The following RBFOX1 variants were observed in gnomAD, a reference collection of about 807,000 sequenced individuals.
The protein encoded by RBFOX1 is RNA binding protein fox-1 homolog 1.
A neutral mutation model predicts 57.7 loss-of-function variants in RBFOX1; 8 were observed. That is an observed-to-expected ratio of 0.14 (90% confidence interval 0.08 to 0.25). The LOEUF (loss-of-function observed/expected upper bound fraction) is 0.25, where lower values mean the gene tolerates loss of function less well. RBFOX1 is among the 10% of genes least tolerant of loss of function. The pLI is 1.00. For missense variants in RBFOX1, 611 were observed against 548.5 expected (o/e 1.11, Z -1.14); for synonymous variants, 326 against 222.4 (o/e 1.47, Z -4.15).
At chr16:5,765,516 C>G (rs902135853) in intron 3 of RBFOX1, among the ~76,000 whole-genome samples, 2 of 152,200 alleles carry the variant, frequency 1.3e-5, no homozygotes, top group African/African-American at 2.4e-5. Flanking sequence ...AGGGCAAGGA[C>G]TTTGTCTAAT....
chr16:7,405,400 C>T (rs200549191), intron 4 of RBFOX1, among the ~76,000 whole-genome samples: 5 of 152,158 alleles, frequency 3.3e-5, no homozygotes, highest in Admixed American at 6.5e-5. Context: ...TTCCCTGTTC[C>T]ACCAGGTGTT....
At chr16:6,165,836 G>T (rs992263894) in intron 1 of RBFOX1, among the ~76,000 whole-genome samples, 3 of 152,342 alleles carry the variant, frequency 2.0e-5, no homozygotes, top group Non-Finnish European at 1.5e-5. Flanking sequence ...GAAGGTAAAT[G>T]AGATTTTTAA....
At chr16:6,667,440 C>T (rs999917813) in intron 3 of RBFOX1, among the ~76,000 whole-genome samples, 1 of 152,096 alleles carries the variant, frequency 6.6e-6, no homozygotes, top group Non-Finnish European at 1.5e-5. Flanking sequence ...AGCTTAGTGG[C>T]TTCCTGGTTA....
chr16:7,109,743 C>A lies in RBFOX1; in HGVS notation c.27+57645C>A, dbSNP rs1430290247. On this transcript the variant is annotated intron_variant, in intron 4 of 15. Transcript: ENST00000550418. ...AAAAGAAGAGGGGTCATTCCAGATC[C>A]AAAAAATCGAGATGACTCCTTTGAG... 2.0e-5 allele frequency among the ~76,000 whole-genome samples: 3 copies of A among 151,954 alleles called. No homozygotes were observed. In the East Asian group the frequency reaches 5.8e-4, roughly 29 times the overall value.
chr16:6,493,963 C>T (rs1452155009), intron 2 of RBFOX1, among the ~76,000 whole-genome samples: 2 of 152,248 alleles, frequency 1.3e-5, no homozygotes, highest in African/African-American at 2.4e-5. Context: ...GTGATATTTT[C>T]CTGTATACCA....
chr16:6,832,851 C>T (rs935811682), intron 3 of RBFOX1, among the ~76,000 whole-genome samples: 35 of 152,186 alleles, frequency 2.3e-4, no homozygotes, highest in African/African-American at 8.0e-4. Flanking sequence ...ATCCCAACTA[C>T]GTATCAAAGC....
intron 2 of RBFOX1, among the ~76,000 whole-genome samples, chr16:6,541,938 A>G (rs1037180501): frequency 4.0e-5 from 6 of 150,136 alleles, no homozygotes; most frequent in Admixed American, 4.0e-4. Flanking sequence ...ATTGATTTAC[A>G]TCTCCCCCTT....
chr16:6,682,783 T>C (rs186821143), intron 3 of RBFOX1, among the ~76,000 whole-genome samples: 18 of 150,656 alleles, frequency 1.2e-4, no homozygotes, highest in Admixed American at 1.1e-3. Flanking sequence ...CAGGGTGAAA[T>C]TTTCACAGTT....
At chr16:6,531,130 A>G (rs909127096) in intron 2 of RBFOX1, among the ~76,000 whole-genome samples, 16 of 152,194 alleles carry the variant, frequency 1.1e-4, no homozygotes, top group African/African-American at 3.9e-4. Flanking sequence ...TACCATGCCC[A>G]GTAGTAGGAT....
At chr16:6,246,130 T>G (rs144515952) in intron 1 of RBFOX1, among the ~76,000 whole-genome samples, 1 of 152,166 alleles carries the variant, frequency 6.6e-6, no homozygotes, top group African/African-American at 2.4e-5. Flanking sequence ...GTAGGATGTA[T>G]TGAATCATGG....
intron 6 of RBFOX1, among the ~76,000 whole-genome samples, chr16:7,582,089 G>A (rs544941452): frequency 8.6e-5 from 13 of 151,054 alleles, no homozygotes; most frequent in African/African-American, 2.9e-4. Flanking sequence ...CAGTGAAGTG[G>A]CATGATCTCG....
intron 4 of RBFOX1, among the ~76,000 whole-genome samples, chr16:7,198,785 C>G (rs2087477358): frequency 6.6e-6 from 1 of 152,224 alleles, no homozygotes; most frequent in Non-Finnish European, 1.5e-5. Context: ...TGGGCCTCAC[C>G]TCCCAACACT....
chr16:6,569,928 T>C (rs902155009), intron 2 of RBFOX1, among the ~76,000 whole-genome samples: 1 of 152,228 alleles, frequency 6.6e-6, no homozygotes, highest in African/African-American at 2.4e-5. Flanking sequence ...ACAATTCACT[T>C]GTCCTCAATA....
chr16:7,063,941 C>G (rs762742628), intron 4 of RBFOX1, among the ~76,000 whole-genome samples: 2 of 152,014 alleles, frequency 1.3e-5, no homozygotes, highest in East Asian at 3.9e-4. Flanking sequence ...CTTTGGTATT[C>G]GCAGGAAGTC....
intron 3 of RBFOX1, chr16:5,610,542 T>C (rs13334466): frequency 0.18 from 27,898 of 151,938 alleles, 3,620 homozygotes; most frequent in East Asian, 0.4. Flanking sequence ...AAAGTAAAAA[T>C]TAGGCTGGGC....
chr16:7,528,466 G>A (rs924718578), intron 5 of RBFOX1, among the ~76,000 whole-genome samples: 5 of 152,110 alleles, frequency 3.3e-5, no homozygotes, highest in Admixed American at 2.6e-4. Flanking sequence ...GCCCCATTAA[G>A]CAATTTTATT....
chr16:7,377,455 T>C (rs530907072), intron 4 of RBFOX1, among the ~76,000 whole-genome samples: 120 of 152,342 alleles, frequency 7.9e-4, no homozygotes, highest in African/African-American at 2.3e-3. Flanking sequence ...TTAAGATATA[T>C]TCAATATGAC....
intron 1 of RBFOX1, among the ~76,000 whole-genome samples, chr16:6,071,689 A>C (rs531839473): frequency 1.8e-4 from 28 of 152,334 alleles, no homozygotes; most frequent in South Asian, 8.3e-4. Context: ...AGATCTCTAG[A>C]ACTAATTCAT....
chr16:7,000,268 A>C lies in RBFOX1; in HGVS notation c.-15-51789A>C, dbSNP rs897739404. On this transcript the variant is annotated intron_variant, in intron 3 of 15. Coordinates refer to ENST00000550418, the MANE Select transcript of RBFOX1 (RefSeq NM_018723.4). ...TATCATTGTTCAAGTCTACCTGATA[A>C]TCTTACACATTTTTAAAGTTTTATT... 2.0e-5 allele frequency among the ~76,000 whole-genome samples: 3 copies of C among 152,116 alleles called. No homozygotes were observed. The South Asian group carries it at 6.2e-4, about 32-fold the overall frequency.
Sources: allele counts gnomAD v4.1 joint callset (sites outside exome capture counted in the v4.1 genomes callset), GRCh38; gene constraint gnomAD v4.1.1; transcripts MANE v1.5; gene names NCBI Gene and HGNC (gene_info 2026-07-23, HGNC 2026-07-21).